The following TF variants were observed in gnomAD, a reference collection of about 807,000 sequenced individuals.
TF encodes the protein transferrin.
A neutral mutation model predicts 82.4 loss-of-function variants in TF; 55 were observed. The ratio of observed to expected loss-of-function variants is 0.67; its 90% CI spans 0.54 to 0.84. TF has a LOEUF of 0.84. Among genes scored for constraint, TF ranks in the 40% least tolerant of loss-of-function variants. The probability of loss-of-function intolerance (pLI) is 0.00; values close to 1 mark genes in which losing one functional copy is unlikely to be tolerated. For synonymous variants in TF, 332 were observed against 332.6 expected (o/e 1.00, Z 0.02); for missense variants, 737 against 868.4 (o/e 0.85, Z 1.90).
chr3:133,721,632 T>C, the TF span, among the ~76,000 whole-genome samples: 1 of 152,226 alleles, frequency 6.6e-6, no homozygotes, highest in East Asian at 1.9e-4. Context: ...GTCTTTTTTC[T>C]TTTTGCTTAT....
At position 133,789,121 on chromosome 3, in the gene TF, C is replaced by A. The variant is rs1934764488; in HGVS notation, c.*10501C>A. ...CCCAAAGGGGGATTCCCCAGGGGAT[C>A]CTCCAGACTTCAACCTCTCCAAAGG... On this transcript the variant is annotated 3_prime_UTR_variant, in exon 17 of 17. Transcript: ENST00000402696. 6.6e-6 allele frequency: 1 copy of A among 152,314 alleles called. No homozygotes were observed. The highest frequency in any genetic ancestry group is 2.4e-5 in the African/African-American group (1 of 41,470). The allele number at this position is 152,314 out of a possible 1,614,324, so 9.4% of individuals were successfully genotyped here.
chr3:133,691,608 G>A, the TF span: 1 of 152,760 alleles, frequency 6.5e-6, no homozygotes, highest in Non-Finnish European at 1.5e-5. Flanking sequence ...TAATGGAGGT[G>A]AAGGAGGCTT....
At chr3:133,724,302 T>A in the TF span, among the ~76,000 whole-genome samples, 6 of 152,286 alleles carry the variant, frequency 3.9e-5, no homozygotes, top group Admixed American at 3.9e-4. Flanking sequence ...TTTCTCCACA[T>A]CCTCTCCAGC....
chr3:133,678,278 G>T, the TF span, among the ~76,000 whole-genome samples: 1 of 152,170 alleles, frequency 6.6e-6, no homozygotes, highest in East Asian at 1.9e-4. Flanking sequence ...CATTTGGGTT[G>T]GTTCCTAGTC....
At chr3:133,683,037 G>A in the TF span, among the ~76,000 whole-genome samples, 1 of 152,160 alleles carries the variant, frequency 6.6e-6, no homozygotes, top group Non-Finnish European at 1.5e-5. Flanking sequence ...AAAGAGAGTG[G>A]GGGCCAATAT....
At position 133,753,618 on chromosome 3, in the gene TF, A is replaced by T. The variant is rs1933736844; in HGVS notation, c.240A>T (p.Thr80=). ...AGGCAAACGAAGCGGATGCTGTGAC[A>T]CTGGATGCAGGTTTGGTGTATGATG... The part of the protein sequence containing the change: ...AIAANEADAV[T]LDAGLVYDAY... The change falls in exon 3 of 17, where the codon ACA becomes ACT. Residue 80 remains threonine, a synonymous_variant. Coordinates refer to ENST00000402696, the MANE Select transcript of TF (RefSeq NM_001063.4). 1 of 1,614,210 alleles carries T rather than the reference A, an allele frequency of 6.2e-7. No individual in the cohort carries two copies. Among genetic ancestry groups the T allele is most frequent in the Non-Finnish European group, 8.5e-7 (1 of 1,180,028 alleles).
At position 133,783,346 on chromosome 3, in the gene TF, G is replaced by C. The variant is rs144375254; in HGVS notation, c.*4726G>C. ...ATAAAGCTGGCATTATACTCGGGGG[G>C]GACAGATAGGCTACTCACTGAAGTG... is the stretch of plus-strand genomic sequence containing the variant. On this transcript the variant is annotated 3_prime_UTR_variant, in exon 17 of 17. Transcript: ENST00000402696. The C allele has an allele frequency of 6.6e-6, 1 of 152,100 alleles. No homozygotes were observed. Among genetic ancestry groups the C allele is most frequent in the Non-Finnish European group, 1.5e-5 (1 of 68,012 alleles). 9.4% of individuals were successfully genotyped at this position (152,100 alleles called of 1,614,324 possible).
the TF span, among the ~76,000 whole-genome samples, chr3:133,708,716 G>A: frequency 6.7e-6 from 1 of 149,368 alleles, no homozygotes; most frequent in Non-Finnish European, 1.5e-5. Context: ...ATGTATATAT[G>A]TATAAATACA....
At chr3:133,737,536 G>T in the TF span, among the ~76,000 whole-genome samples, 11 of 151,868 alleles carry the variant, frequency 7.2e-5, no homozygotes, top group African/African-American at 2.7e-4. Context: ...CCAGGAGCTG[G>T]TTTTTTGAAA....
chr3:133,762,548 T>C (rs779828946), intron 9 of TF, among the ~76,000 whole-genome samples: 2 of 152,220 alleles, frequency 1.3e-5, no homozygotes, highest in African/African-American at 2.4e-5. Context: ...TTATAAACTT[T>C]ATCATAGGCT....
chr3:133,764,858 T>C lies in TF; in HGVS notation c.1298-17T>C. On this transcript the variant is annotated splice_polypyrimidine_tract_variant and intron_variant, in intron 10 of 16. Transcript: ENST00000402696. ...AATCAGGGTTTAATGCCTTTTTCATTTTCTTTTCTCCTGCAGAGAGCGATA... is the reference window on the plus strand; with the variant it reads ...AATCAGGGTTTAATGCCTTTTTCATCTTCTTTTCTCCTGCAGAGAGCGATA... The C allele has an allele frequency of 6.2e-7, 1 of 1,613,300 alleles. No individual in the cohort carries two copies.
At chr3:133,674,487 C>T in the TF span, among the ~76,000 whole-genome samples, 10 of 152,188 alleles carry the variant, frequency 6.6e-5, no homozygotes, top group Non-Finnish European at 1.5e-4. Flanking sequence ...CGAGGAGTGG[C>T]GAGGGCTATC....
chr3:133,763,719 A>G (rs1413800580), intron 9 of TF, among the ~76,000 whole-genome samples: 2 of 152,250 alleles, frequency 1.3e-5, no homozygotes, highest in Non-Finnish European at 2.9e-5. Context: ...TTCATTAAAC[A>G]TGTTGTATGC....
chr3:133,730,201 A>G, the TF span, among the ~76,000 whole-genome samples: 1 of 152,180 alleles, frequency 6.6e-6, no homozygotes, highest in African/African-American at 2.4e-5. Context: ...CCTAGAACTC[A>G]GTCCTAGAGG....
chr3:133,745,667 C>T (rs927017434), upstream of TF, among the ~76,000 whole-genome samples: 1 of 152,206 alleles, frequency 6.6e-6, no homozygotes, highest in Non-Finnish European at 1.5e-5. Flanking sequence ...TTGTTCTGAG[C>T]CTCACAGTGT....
chr3:133,678,610 A>G, the TF span, among the ~76,000 whole-genome samples: 5 of 152,158 alleles, frequency 3.3e-5, no homozygotes, highest in Non-Finnish European at 7.4e-5. Flanking sequence ...TCTAATGACC[A>G]GTGATGTTGA....
chr3:133,707,916 G>A, the TF span, among the ~76,000 whole-genome samples: 3 of 152,144 alleles, frequency 2.0e-5, no homozygotes, highest in African/African-American at 7.2e-5. Context: ...AGTAAATGCA[G>A]TAAGATAAGA....
chr3:133,764,838 G>C lies in TF; in HGVS notation c.1298-37G>C, dbSNP rs60832366. 4 of 1,605,060 alleles carry C rather than the reference G, an allele frequency of 2.5e-6. 1 individual carries two copies. In the South Asian group the frequency reaches 4.5e-5, roughly 18 times the overall value. On this transcript the variant is annotated intron_variant, in intron 10 of 16. Transcript: ENST00000402696. The stretch of plus-strand genomic sequence containing the variant: ...GCATGGTTTCCCAATCTATAAATCA[G>C]GGTTTAATGCCTTTTTCATTTTCTT...
the TF span, among the ~76,000 whole-genome samples, chr3:133,671,671 T>C: frequency 6.6e-6 from 1 of 151,572 alleles, no homozygotes; most frequent in Non-Finnish European, 1.5e-5. Flanking sequence ...CTAATGCCTG[T>C]AATCCCAGCT....
Sources: allele counts gnomAD v4.1 joint callset (sites outside exome capture counted in the v4.1 genomes callset), GRCh38; gene constraint gnomAD v4.1.1; transcripts MANE v1.5; gene names NCBI Gene and HGNC (gene_info 2026-07-23, HGNC 2026-07-21).